PREX2: variants seen among roughly 807,000 people sequenced by gnomAD.
PREX2 encodes the protein phosphatidylinositol-3,4,5-trisphosphate dependent Rac exchange factor 2, also known as phosphatidylinositol 3,4,5-trisphosphate-dependent Rac exchanger 2 protein.
Under a neutral mutation model 203.2 loss-of-function variants are expected in PREX2, and 107 were observed. That is an observed-to-expected ratio of 0.53 (90% CI 0.45 to 0.62). PREX2 has a LOEUF of 0.62. Among genes scored for constraint, PREX2 ranks in the 20% least tolerant of loss-of-function variants. PREX2 has a pLI of 0.00. For missense variants in PREX2, 1,777 were observed against 1,955.9 expected, an observed-to-expected ratio of 0.91 and a Z score of 1.72; for synonymous variants, 672 against 663.6, an observed-to-expected ratio of 1.01 and a Z score of -0.19.
At position 68,147,368 on chromosome 8, in the gene PREX2, C is replaced by T. The variant is rs527237374; in HGVS notation, c.4231+1016C>T. Among the ~76,000 whole-genome samples the T allele has an allele frequency of 3.9e-5, 6 of 152,220 alleles. No individual in the cohort carries two copies. In the South Asian group the frequency reaches 6.2e-4, roughly 16 times the overall value. On this transcript the variant is annotated intron_variant, in intron 34 of 39. Transcript: ENST00000288368. ...CCACCCAAATCTCATCTTGAATTCCCGTGTGTTGTGGGAGGGACCTGGTGG... is the reference window on the plus strand; with the variant it reads ...CCACCCAAATCTCATCTTGAATTCCTGTGTGTTGTGGGAGGGACCTGGTGG...
At chr8:68,182,111 G>C (rs969294025) in intron 35 of PREX2, among the ~76,000 whole-genome samples, 1 of 152,066 alleles carries the variant, frequency 6.6e-6, no homozygotes, top group African/African-American at 2.4e-5. Context: ...TGTACTTAAG[G>C]ATCTTGAATT....
At chr8:68,087,639 G>A (rs1809733967) in intron 18 of PREX2, 85 bp from the exon 19 acceptor site, 3 of 951,976 alleles carry the variant, frequency 3.2e-6, no homozygotes, top group Non-Finnish European at 5.2e-6. Context: ...TGTATTTATT[G>A]AGAGGTGTAA....
intron 1 of PREX2, among the ~76,000 whole-genome samples, chr8:68,000,956 A>C (rs990122887): frequency 6.6e-6 from 1 of 152,170 alleles, no homozygotes; most frequent in Non-Finnish European, 1.5e-5. Context: ...AACTCAAGAT[A>C]GATAAAAGGC....
chr8:68,023,103 T>A (rs548374272), intron 4 of PREX2, among the ~76,000 whole-genome samples: 25 of 152,312 alleles, frequency 1.6e-4, no homozygotes, highest in Middle Eastern at 3.4e-3. Flanking sequence ...TATGTTCAAG[T>A]CTTTGAATGG....
At chr8:68,217,212 A>G (rs1812859333) in intron 37 of PREX2, among the ~76,000 whole-genome samples, 1 of 152,186 alleles carries the variant, frequency 6.6e-6, no homozygotes, top group Non-Finnish European at 1.5e-5. Context: ...CTTCTGCTAT[A>G]TTTGTGCACA....
intron 15 of PREX2, 106 bp downstream of exon 15, chr8:68,077,575 C>A: frequency 1.2e-6 from 1 of 847,698 alleles, no homozygotes; most frequent in Non-Finnish European, 2.0e-6. Context: ...GATGAGCCAG[C>A]AAGACTGTCT....
intron 15 of PREX2, 45 bp from the exon 16 acceptor site, chr8:68,080,398 A>G (rs1563533915): frequency 1.9e-6 from 3 of 1,591,486 alleles, no homozygotes; most frequent in Non-Finnish European, 2.6e-6. Context: ...AATGAGTGCG[A>G]TTTTTGAATT....
chr8:68,136,079 G>A (rs1811107919), intron 32 of PREX2, among the ~76,000 whole-genome samples: 1 of 152,140 alleles, frequency 6.6e-6, no homozygotes, highest in South Asian at 2.1e-4. Flanking sequence ...ATGGTTGGGG[G>A]CAGGAAAATG....
chr8:68,028,325 C>A (rs1322991590), intron 5 of PREX2, among the ~76,000 whole-genome samples: 3 of 151,258 alleles, frequency 2.0e-5, no homozygotes, highest in Non-Finnish European at 4.4e-5. Flanking sequence ...TAAGTATTAG[C>A]CATTATTATT....
At chr8:68,038,609 T>C (rs997440779) in intron 7 of PREX2, among the ~76,000 whole-genome samples, 4 of 152,110 alleles carry the variant, frequency 2.6e-5, no homozygotes, top group African/African-American at 9.7e-5. Flanking sequence ...GTGTGTCTTC[T>C]TTGCTTCCTA....
intron 35 of PREX2, among the ~76,000 whole-genome samples, chr8:68,159,294 C>G (rs1219034771): frequency 6.6e-6 from 1 of 152,146 alleles, no homozygotes; most frequent in Non-Finnish European, 1.5e-5. Context: ...TTACCAAAGA[C>G]AAATCTTAGT....
At chr8:68,209,551 G>C (rs1404596) in intron 37 of PREX2, among the ~76,000 whole-genome samples, 28,294 of 151,978 alleles carry the variant, frequency 0.19, 3,313 homozygotes, top group East Asian at 0.6. Context: ...ATTTTCCCCA[G>C]GGGAATTGAA....
Position 68,232,637 on chromosome 8 carries a change from G to GA in PREX2, c.*1262dup, listed in dbSNP as rs1813189468. 2.0e-5 allele frequency: 3 copies of GA among 150,402 alleles called. No homozygotes were observed. 9.3% of individuals were successfully genotyped at this position (150,402 alleles called of 1,614,324 possible). On this transcript the variant is annotated 3_prime_UTR_variant, in exon 40 of 40. Transcript: ENST00000288368. Reference sequence around the variant, plus strand: ...ATTATTAATTTTTTTTTTATTTTTTGAAACTGAGTCTCACTCTGTTACCCA... The same window carrying GA: ...ATTATTAATTTTTTTTTTATTTTTTGAAAACTGAGTCTCACTCTGTTACCCA...
At chr8:68,049,582 C>T (rs1328686612) in intron 8 of PREX2, among the ~76,000 whole-genome samples, 1 of 152,052 alleles carries the variant, frequency 6.6e-6, no homozygotes, top group Non-Finnish European at 1.5e-5. Context: ...TTGTTCAGGT[C>T]TGTCCCTTGG....
In PREX2 at chr8:68,234,739, G is replaced by A. The variant is rs943220045; in HGVS notation, c.*3361G>A. On this transcript the variant is annotated 3_prime_UTR_variant, in exon 40 of 40. Transcript: ENST00000288368. ...CTGTCTCTTTAAAACACATTCTTCT[G>A]GTGGCTTGGGTTCATTGTGCATTCA... 1.3e-5 allele frequency: 2 copies of A among 151,834 alleles called. No homozygotes were observed. The highest frequency in any genetic ancestry group is 4.8e-5 in the African/African-American group (2 of 41,352). 9.4% of individuals were successfully genotyped at this position (151,834 alleles called of 1,614,324 possible). A position where few individuals can be genotyped will look rare whatever the true frequency, so the allele number is the denominator to read the frequency against.
intron 25 of PREX2, among the ~76,000 whole-genome samples, chr8:68,112,314 A>G (rs1810550489): frequency 6.6e-6 from 1 of 152,228 alleles, no homozygotes; most frequent in Non-Finnish European, 1.5e-5. Context: ...TTAATGTCCA[A>G]AACCTTTGAC....
At chr8:68,167,330 CT>C (rs58354162) in intron 35 of PREX2, among the ~76,000 whole-genome samples, 70,859 of 138,432 alleles carry the variant, frequency 0.51, 17,453 homozygotes, top group Middle Eastern at 0.61. Context: ...GTGTTCTCTT[CT>C]TTTTTTTTTT....
chr8:68,209,730 G>A (rs868047883), intron 37 of PREX2, among the ~76,000 whole-genome samples: 16 of 152,090 alleles, frequency 1.1e-4, no homozygotes, highest in African/African-American at 3.9e-4. Context: ...AACAAATATT[G>A]ATTTCCCTTT....
intron 4 of PREX2, among the ~76,000 whole-genome samples, chr8:68,022,574 AAAC>A (rs1457975771): frequency 6.6e-6 from 1 of 152,324 alleles, no homozygotes; most frequent in South Asian, 2.1e-4. Flanking sequence ...GTTTTCATAA[AAAC>A]AACAAGAATA....
Sources: allele counts gnomAD v4.1 joint callset (sites outside exome capture counted in the v4.1 genomes callset), GRCh38; gene constraint gnomAD v4.1.1; transcripts MANE v1.5; gene names NCBI Gene and HGNC (gene_info 2026-07-23, HGNC 2026-07-21).